The following ANPEP variants were observed in gnomAD, a reference collection of about 807,000 sequenced individuals.
ANPEP encodes the protein alanyl aminopeptidase, membrane.
A neutral mutation model predicts 114.6 loss-of-function variants in ANPEP; 70 were observed. The observed-to-expected ratio is 0.61, with a 90% confidence interval of 0.50 to 0.75. The LOEUF (loss-of-function observed/expected upper bound fraction) is 0.75, where lower values mean the gene tolerates loss of function less well. ANPEP is among the 30% of genes least tolerant of loss of function. ANPEP has a pLI of 0.00. For synonymous variants in ANPEP, 548 were observed against 522.3 expected, an observed-to-expected ratio of 1.05 and a Z score of -0.67; for missense variants, 1,184 against 1,259.5, an observed-to-expected ratio of 0.94 and a Z score of 0.91.
At chr15:89,795,335 G>A (rs550068508) in intron 15 of ANPEP, among the ~76,000 whole-genome samples, 1 of 152,044 alleles carries the variant, frequency 6.6e-6, no homozygotes, top group Non-Finnish European at 1.5e-5. Context: ...GAGGATGAAA[G>A]CAAGAGAAAT....
chr15:89,813,991 T>TGGGGC (rs1555442937), intron 1 of ANPEP, among the ~76,000 whole-genome samples: 2 of 111,710 alleles, frequency 1.8e-5, no homozygotes, highest in African/African-American at 8.6e-5. Context: ...ACCGCACTGC[T>TGGGGC]GGGGGGGGGG....
rs1488360738 is a variant in ANPEP, at chr15:89,799,188, G to A, written c.2009+72C>T. On this transcript the variant is annotated intron_variant, in intron 14 of 20. Transcript: ENST00000300060. The surrounding 1 kb of genome is among the most constrained non-coding windows in gnomAD (Gnocchi z 4.2). Reference sequence around the variant, plus strand: ...TGGGAAGGGCAGCAGGAGGAGCAGGGGCCCTCATTGTGGACTCAGACTTGC... The same window carrying A: ...TGGGAAGGGCAGCAGGAGGAGCAGGAGCCCTCATTGTGGACTCAGACTTGC... 1 of 1,559,076 alleles carries A rather than the reference G, an allele frequency of 6.4e-7. No homozygotes were observed. Among genetic ancestry groups the A allele is most frequent in the Non-Finnish European group, 8.8e-7 (1 of 1,131,368 alleles).
In ANPEP at chr15:89,803,780, A is replaced by C. The variant is rs766442499; in HGVS notation, c.1304T>G (p.Met435Arg). ...CACGCGGTACACATCATTCAGCACC[A>C]TGAGGTCTTTCTGCAAATTCCCCAG... is the stretch of plus-strand genomic sequence containing the variant. ...AEPTWNLKDL[M>R]VLNDVYRVMA... The change falls in exon 8 of 21, where the codon ATG becomes AGG. Residue 435 changes from methionine (M) to arginine (R), a missense_variant. Physicochemically the swap from Met to Arg is moderately conservative, Grantham distance 91. Transcript: ENST00000300060. This position sits in a 1 kb window ranked among gnomAD's most constrained non-coding sequence, Gnocchi z 4.2. 3.1e-6 allele frequency: 5 copies of C among 1,607,418 alleles called. No individual in the cohort carries two copies. Among genetic ancestry groups the C allele is most frequent in the Admixed American group, 3.3e-5 (2 of 59,782 alleles).
rs1478717681 is a variant in ANPEP at position 89,799,605 on chromosome 15, G to A, written c.1820-46C>T. The stretch of plus-strand genomic sequence containing the variant: ...TGGGCAGGGCTGCTCAGAGGCCATG[G>A]GCTGACCCCTGGACCTCTTGCAAGA... On this transcript the variant is annotated intron_variant, in intron 12 of 20. Coordinates refer to ENST00000300060, the MANE Select transcript of ANPEP (RefSeq NM_001150.3). This position sits in a 1 kb window ranked among gnomAD's most constrained non-coding sequence, Gnocchi z 4.2. 1 of 1,613,192 alleles carries A rather than the reference G, an allele frequency of 6.2e-7. No homozygotes were observed. Among genetic ancestry groups the A allele is most frequent in the East Asian group, 2.2e-5 (1 of 44,890 alleles).
chr15:89,809,339 C>T (rs1567163310), intron 1 of ANPEP, among the ~76,000 whole-genome samples: 1 of 152,196 alleles, frequency 6.6e-6, no homozygotes, highest in Non-Finnish European at 1.5e-5. Context: ...TGGACTAATC[C>T]CTTTTCTAAA....
intron 16 of ANPEP, 86 bp from the exon 17 acceptor site, chr15:89,792,648 C>T (rs1968654605): frequency 8.4e-6 from 10 of 1,193,680 alleles, no homozygotes; most frequent in Non-Finnish European, 1.2e-5. Context: ...GGCCGGCACC[C>T]TGCCTAAGGC....
chr15:89,803,665 G>A lies in ANPEP; in HGVS notation c.1419C>T (p.Asp473=), dbSNP rs998380080. The A allele has an allele frequency of 1.6e-5, 25 of 1,612,544 alleles. No individual in the cohort carries two copies. The highest frequency in any genetic ancestry group is 2.2e-5 in the East Asian group (1 of 44,840). The change falls in exon 8 of 21, where the codon GAC becomes GAT. Residue 473 remains aspartate (D), a synonymous_variant. Coordinates refer to ENST00000300060, the MANE Select transcript of ANPEP (RefSeq NM_001150.3). This position sits in a 1 kb window ranked among gnomAD's most constrained non-coding sequence, Gnocchi z 4.2. ...GCTGCACCTTGCTGTAGGAGATGGC[G>A]TCAAACAGCTCACTGATCTGGGCCG... ...NTPAQISELF[D]AISYSKGASV...
In ANPEP at chr15:89,810,564, ACT is replaced by A. The variant is rs760729388; in HGVS notation, c.-223-3760_-223-3759del. On this transcript the variant is annotated intron_variant, in intron 1 of 20. Transcript: ENST00000300060. ...CCAGTCTGGACGACAACAGAACGAG[ACT>A]CTGTTTCAAAAAAGAAAAAAAAAAA... Among the ~76,000 whole-genome samples, 142 of 151,264 alleles carry A rather than the reference ACT, an allele frequency of 9.4e-4. 1 individual carries two copies. Among genetic ancestry groups the A allele is most frequent in the South Asian group, 2.3e-3 (11 of 4,788 alleles).
chr15:89,809,189 G>A (rs967724718), intron 1 of ANPEP, among the ~76,000 whole-genome samples: 12 of 152,198 alleles, frequency 7.9e-5, no homozygotes, highest in South Asian at 2.1e-4. Context: ...GATGGAATTC[G>A]CCAAGGGAGC....
intron 1 of ANPEP, among the ~76,000 whole-genome samples, chr15:89,809,875 G>A (rs536581856): frequency 6.6e-6 from 1 of 152,182 alleles, no homozygotes; most frequent in Non-Finnish European, 1.5e-5. Context: ...AGCTGCCAGC[G>A]TCTCCCCAGA....
rs144282919 is a variant in ANPEP, at chr15:89,803,917, G to C, written c.1265C>G (p.Ala422Gly). 1.9e-3 allele frequency: 3,140 copies of C among 1,614,188 alleles called. 7 individuals carry two copies. Among genetic ancestry groups the C allele is most frequent in the South Asian group, 3.5e-3 (317 of 91,088 alleles). The change falls in exon 7 of 21, where the codon GCT becomes GGT. Residue 422 changes from alanine to glycine, a missense_variant. By Grantham distance (60) the Ala-to-Gly change is moderately conservative. Coordinates refer to ENST00000300060, the MANE Select transcript of ANPEP (RefSeq NM_001150.3). The surrounding 1 kb of genome is among the most constrained non-coding windows in gnomAD (Gnocchi z 4.2). ...GTTCCAGGTGGGCTCCGCATAGTCAGCACCCAGGTACTCCACGTAGGAGGC... is the reference window on the plus strand; with the variant it reads ...GTTCCAGGTGGGCTCCGCATAGTCACCACCCAGGTACTCCACGTAGGAGGC... ...GFASYVEYLG[A>G]DYAEPTWNLK...
rs41276922 is a variant in ANPEP at position 89,806,230 on chromosome 15, G to T, written c.354C>A (p.Asp118Glu). 6.2e-6 allele frequency: 10 copies of T among 1,613,928 alleles called. No individual in the cohort carries two copies. Among genetic ancestry groups the T allele is most frequent in the Middle Eastern group, 3.3e-4 (2 of 6,084 alleles). ...GCTTCTTGCTGTGGATGATGATGAC[G>T]TCAGTGGCCTCCTTGCAGGTGAAAC... The part of the protein sequence containing the change: ...TVRFTCKEAT[D>E]VIIIHSKKLN... The change falls in exon 2 of 21, where the codon GAC (aspartate) becomes GAA (glutamate). Residue 118 changes from aspartate (D) to glutamate (E), a missense_variant. Coordinates refer to ENST00000300060, the MANE Select transcript of ANPEP (RefSeq NM_001150.3). The surrounding 1 kb of genome is among the most constrained non-coding windows in gnomAD (Gnocchi z 5.7).
At chr15:89,796,216 T>TAAAC (rs1178937556) in intron 15 of ANPEP, among the ~76,000 whole-genome samples, 1 of 152,188 alleles carries the variant, frequency 6.6e-6, no homozygotes, top group Non-Finnish European at 1.5e-5. Context: ...ACCTTGTCTC[T>TAAAC]AAACAAACAA....
intron 12 of ANPEP, among the ~76,000 whole-genome samples, chr15:89,800,108 T>C (rs1894556842): frequency 6.6e-6 from 1 of 152,154 alleles, no homozygotes; most frequent in Non-Finnish European, 1.5e-5. Flanking sequence ...CTGCAGCCCC[T>C]GGGGCCCTTG....
At chr15:89,790,385 T>A (rs8192299) in intron 20 of ANPEP, 75 bp downstream of exon 20, 7 of 1,403,310 alleles carry the variant, frequency 5.0e-6, no homozygotes, top group Non-Finnish European at 7.1e-6. Context: ...CAGGGCCACG[T>A]GGGAGAAGAA....
rs1348472640 is a variant in ANPEP at position 89,814,809 on chromosome 15, T to A, written c.-261A>T. The A allele has an allele frequency of 1.5e-5, 2 of 134,006 alleles. No individual in the cohort carries two copies. Among genetic ancestry groups the A allele is most frequent in the African/African-American group, 5.7e-5 (2 of 35,130 alleles). 8.3% of individuals were successfully genotyped at this position (134,006 alleles called of 1,614,324 possible). ...GCGCTGGAACCTGGACCCTGGACCC[T>A]GGCGGGTTCCGAGCTGCGCCGCCGC... On this transcript the variant is annotated 5_prime_UTR_variant, in exon 1 of 21. Coordinates refer to ENST00000300060, the MANE Select transcript of ANPEP (RefSeq NM_001150.3).
intron 1 of ANPEP, among the ~76,000 whole-genome samples, chr15:89,814,545 G>T (rs1025570476): frequency 2.6e-5 from 4 of 152,136 alleles, no homozygotes. Flanking sequence ...TGCGAGGCCC[G>T]CTGGGGACCC....
At chr15:89,797,446 GT>G in intron 15 of ANPEP, 128 bp downstream of exon 15, 1 of 1,350,502 alleles carries the variant, frequency 7.4e-7, no homozygotes, top group Non-Finnish European at 9.9e-7. Flanking sequence ...TTTTTTTTTG[GT>G]TTTTTGTTTT....
At position 89,801,513 on chromosome 15, in the gene ANPEP, T is replaced by C; in HGVS notation, c.1664A>G (p.Asp555Gly). Residue 555 changes from aspartate (D) to glycine (G), a missense_variant, in exon 11 of 21, where the codon GAT (aspartate) becomes GGT (glycine). Coordinates refer to ENST00000300060, the MANE Select transcript of ANPEP (RefSeq NM_001150.3). ...CTGGGAAAGGGTCCCCGTGCTGGTA[T>C]CCACCGTGATGACCGGGAAGCCCAT... is the stretch of plus-strand genomic sequence containing the variant. ...LQMGFPVITV[D>G]TSTGTLSQEH... is the part of the protein sequence containing the mutation. 3 of 1,614,178 alleles carry C rather than the reference T, an allele frequency of 1.9e-6. No individual in the cohort carries two copies. Among genetic ancestry groups the C allele is most frequent in the Non-Finnish European group, 2.5e-6 (3 of 1,180,032 alleles).
Sources: gnomAD v4.1 joint callset for allele counts (sites outside exome capture counted in the v4.1 genomes callset) on GRCh38, gnomAD v4.1.1 for gene constraint, Gnocchi (gnomAD v3.1) non-coding constraint, MANE v1.5 for transcripts, NCBI Gene and HGNC (gene_info 2026-07-23, HGNC 2026-07-21) for gene names.